Variants in LUC7L observed in about 807,000 individuals in gnomAD.
The protein encoded by LUC7L is LUC7 like, also known as putative RNA-binding protein Luc7-like 1.
LUC7L carries 29 observed loss-of-function variants against 51.1 expected under a neutral mutation model. That is an observed-to-expected ratio of 0.57 (90% CI 0.42 to 0.77). The LOEUF (loss-of-function observed/expected upper bound fraction) is 0.77, where lower values mean the gene tolerates loss of function less well. Ranked by LOEUF, LUC7L falls within the 30% of genes least tolerant of loss-of-function variation. The pLI is 0.00. For missense variants in LUC7L, 403 were observed against 511.9 expected (o/e 0.79, Z 2.05); for synonymous variants, 181 against 180.7 (o/e 1.00, Z -0.01).
chr16:205,700 C>G (rs896986167), intron 5 of LUC7L, among the ~76,000 whole-genome samples: 2 of 152,230 alleles, frequency 1.3e-5, no homozygotes, highest in African/African-American at 4.8e-5. Flanking sequence ...CGCCATTCTC[C>G]TTCCTCAGCC....
intron 5 of LUC7L, among the ~76,000 whole-genome samples, chr16:202,039 C>A (rs1055670477): frequency 1.3e-5 from 2 of 151,950 alleles, no homozygotes; most frequent in Non-Finnish European, 2.9e-5. Context: ...CAACCGTGCC[C>A]GGCCATATTT....
At position 189,296 on chromosome 16, in the gene LUC7L, C is replaced by T. The variant is rs775175063; in HGVS notation, c.1018G>A (p.Gly340Arg). Residue 340 changes from glycine (G) to arginine (R), a missense_variant, in exon 10 of 10, where the codon GGG becomes AGG. Gly to Arg is a moderately radical substitution (Grantham distance 125). This residue lies in a region of LUC7L where 206 missense variants were observed against 218.3 expected (regional missense o/e 0.94). Coordinates refer to ENST00000293872, the MANE Select transcript of LUC7L (RefSeq NM_201412.3). The stretch of plus-strand genomic sequence containing the variant: ...TCCGGGGGCCCTCGCTCGCTCCGCC[C>T]GCTCTCCCAGGACTCCTCTCTGGAT... Reference protein sequence around the residue: ...RASREESWESGRSERGPPDWR... With the variant: ...RASREESWESRRSERGPPDWR... 91 of 1,613,216 alleles carry T rather than the reference C, an allele frequency of 5.6e-5. No homozygotes were observed. Among genetic ancestry groups the T allele is most frequent in the South Asian group, 8.8e-5 (8 of 90,990 alleles).
At chr16:205,707 A>T (rs765799948) in intron 5 of LUC7L, among the ~76,000 whole-genome samples, 1 of 152,122 alleles carries the variant, frequency 6.6e-6, no homozygotes, top group Non-Finnish European at 1.5e-5. Flanking sequence ...CTCCTTCCTC[A>T]GCCTCCGGAG....
intron 4 of LUC7L, among the ~76,000 whole-genome samples, chr16:206,928 A>C (rs1272358996): frequency 6.8e-6 from 1 of 146,602 alleles, no homozygotes; most frequent in East Asian, 2.0e-4. Context: ...GGCTGGGTGC[A>C]GTGGCTCATG....
chr16:228,597 G>C (rs1292185343), intron 1 of LUC7L: 7 of 1,189,664 alleles, frequency 5.9e-6, no homozygotes, highest in Non-Finnish European at 7.4e-6. Flanking sequence ...CAGCAGAAAA[G>C]AAAACACAAA....
At chr16:193,066 T>C (rs2049053312) in intron 6 of LUC7L, 51 bp from the exon 7 acceptor site, 6 of 1,400,232 alleles carry the variant, frequency 4.3e-6, no homozygotes, top group Non-Finnish European at 6.0e-6. Context: ...CAAACCAGAG[T>C]GTGAATGCTA....
chr16:206,996 G>A (rs558328887), intron 4 of LUC7L, among the ~76,000 whole-genome samples: 2 of 150,488 alleles, frequency 1.3e-5, no homozygotes, highest in African/African-American at 4.9e-5. Context: ...TCAAGAGATC[G>A]AGACCATCCT....
rs78174027 is a variant in LUC7L at position 225,197 on chromosome 16, C to T, written c.156+2045G>A. ...CAAAGTTTCCGGAACCTTCAGAAAA[C>T]ACAGTTCTGGCCGGGCGCAGTGTCT... On this transcript the variant is annotated intron_variant, in intron 2 of 9. Coordinates refer to ENST00000293872, the MANE Select transcript of LUC7L (RefSeq NM_201412.3). 6.9e-3 allele frequency among the ~76,000 whole-genome samples: 1,056 copies of T among 152,100 alleles called. 13 individuals carry two copies. Among genetic ancestry groups the T allele is most frequent in the African/African-American group, 0.024 (1,014 of 41,516 alleles).
intron 3 of LUC7L, among the ~76,000 whole-genome samples, chr16:218,293 C>T (rs994911314): frequency 6.6e-6 from 1 of 152,198 alleles, no homozygotes; most frequent in African/African-American, 2.4e-5. Flanking sequence ...CACTGGCTCC[C>T]TCATCCCATG....
intron 2 of LUC7L, among the ~76,000 whole-genome samples, chr16:224,275 T>C (rs1029318775): frequency 2.0e-5 from 3 of 151,196 alleles, no homozygotes; most frequent in South Asian, 2.1e-4. Flanking sequence ...TCCCAGCACT[T>C]TGGGAGGCCG....
chr16:202,585 A>G (rs1017437418), intron 5 of LUC7L, among the ~76,000 whole-genome samples: 2 of 152,178 alleles, frequency 1.3e-5, no homozygotes, highest in Non-Finnish European at 2.9e-5. Flanking sequence ...GGAGCCTAGG[A>G]GCAATGGGCT....
At chr16:213,036 G>A (rs1235046240) in intron 3 of LUC7L, among the ~76,000 whole-genome samples, 2 of 151,978 alleles carry the variant, frequency 1.3e-5, no homozygotes. Flanking sequence ...CAAAGTACTG[G>A]GATTACAGGC....
intron 6 of LUC7L, among the ~76,000 whole-genome samples, chr16:198,274 A>G (rs1467011369): frequency 5.2e-5 from 4 of 76,644 alleles, no homozygotes; most frequent in South Asian, 7.0e-4. Context: ...GCGAGACTCC[A>G]TCTCAAAAAA....
intron 2 of LUC7L, among the ~76,000 whole-genome samples, chr16:226,763 T>G (rs1011168482): frequency 5.9e-5 from 9 of 152,218 alleles, no homozygotes; most frequent in Non-Finnish European, 1.5e-5. Flanking sequence ...CCTATTTAGT[T>G]GTGAATATCT....
Position 189,294 on chromosome 16 carries a change from C to T in LUC7L, c.1020G>A (p.Gly340=). 2 of 1,613,428 alleles carry T rather than the reference C, an allele frequency of 1.2e-6. No homozygotes were observed. The highest frequency in any genetic ancestry group is 1.7e-4 in the Middle Eastern group (1 of 6,060). Residue 340 remains glycine, a synonymous_variant, in exon 10 of 10, where the codon GGG becomes GGA. Transcript: ENST00000293872. ...AGTCCGGGGGCCCTCGCTCGCTCCG[C>T]CCGCTCTCCCAGGACTCCTCTCTGG... ...RASREESWES[G]RSERGPPDWR... is the part of the protein sequence containing the mutation.
At chr16:222,921 CGCCCA>C (rs1457796083) in intron 2 of LUC7L, among the ~76,000 whole-genome samples, 2 of 144,922 alleles carry the variant, frequency 1.4e-5, no homozygotes, top group East Asian at 4.1e-4. Context: ...TGAGCCACCT[CGCCCA>C]GCTTTTTAAA....
chr16:192,348 C>T (rs1403867452), intron 7 of LUC7L, among the ~76,000 whole-genome samples: 3 of 152,128 alleles, frequency 2.0e-5, no homozygotes, highest in African/African-American at 4.8e-5. Context: ...CCTGCGTAAA[C>T]AGGTGTCCAA....
intron 9 of LUC7L, 199 bp downstream of exon 9, chr16:189,769 C>A (rs1237252381): frequency 5.0e-6 from 7 of 1,412,284 alleles, no homozygotes; most frequent in Non-Finnish European, 6.4e-6. Context: ...GCCTGTGCAG[C>A]CCATCACCTG....
chr16:200,441 G>T (rs1200262925), intron 5 of LUC7L, among the ~76,000 whole-genome samples: 1 of 151,196 alleles, frequency 6.6e-6, no homozygotes, highest in African/African-American at 2.4e-5. Context: ...AAAGCCAGAT[G>T]GTGGCAGGCA....
Sources: allele counts gnomAD v4.1 joint callset (sites outside exome capture counted in the v4.1 genomes callset), GRCh38; gene constraint gnomAD v4.1.1; regional missense constraint gnomAD v4.1.1; transcripts MANE v1.5; gene names NCBI Gene and HGNC (gene_info 2026-07-23, HGNC 2026-07-21).